Variants in PCDHGB4 observed in about 807,000 individuals in gnomAD.
PCDHGB4 encodes protocadherin gamma-B4.
PCDHGB4 carries 38 observed loss-of-function variants against 60.5 expected under a neutral mutation model. The observed-to-expected ratio is 0.63, with a 90% CI of 0.48 to 0.82. The LOEUF is 0.82. Ranked by LOEUF, PCDHGB4 falls within the 40% of genes least tolerant of loss-of-function variation. PCDHGB4 has a pLI of 0.00. For synonymous variants in PCDHGB4, 456 were observed against 509.7 expected, an observed-to-expected ratio of 0.89 and a Z score of 1.42; for missense variants, 1,109 against 1,209.6, an observed-to-expected ratio of 0.92 and a Z score of 1.23.
chr5:141,509,132 G>A (rs1261849657), intron 3 of PCDHGB4, among the ~76,000 whole-genome samples: 1 of 152,150 alleles, frequency 6.6e-6, no homozygotes, highest in Admixed American at 6.5e-5. Flanking sequence ...GAGAAAAACC[G>A]AGGCGCATCC....
intron 1 of PCDHGB4, among the ~76,000 whole-genome samples, chr5:141,438,636 ACACACAC>A: frequency 3.9e-5 from 1 of 25,700 alleles, no homozygotes; most frequent in African/African-American, 1.5e-4. Flanking sequence ...ATATATATAT[ACACACAC>A]ACACACACAT....
intron 1 of PCDHGB4, chr5:141,398,970 C>G (rs1320199481): frequency 6.2e-7 from 1 of 1,613,958 alleles, no homozygotes; most frequent in South Asian, 1.1e-5. Flanking sequence ...CTTATTCCTT[C>G]TACAGAACCG....
intron 1 of PCDHGB4, among the ~76,000 whole-genome samples, chr5:141,482,940 G>T (rs1245833250): frequency 6.6e-6 from 1 of 152,026 alleles, no homozygotes; most frequent in East Asian, 1.9e-4. Context: ...AGGTGTGGTT[G>T]TGGGTGCCTG....
chr5:141,422,040 C>A, intron 1 of PCDHGB4: 1 of 1,611,442 alleles, frequency 6.2e-7, no homozygotes, highest in Non-Finnish European at 8.5e-7. Context: ...CGGATCCAGA[C>A]GAGGGAATCA....
intron 1 of PCDHGB4, among the ~76,000 whole-genome samples, chr5:141,483,203 A>G (rs940487337): frequency 6.6e-6 from 1 of 152,204 alleles, no homozygotes; most frequent in Admixed American, 6.5e-5. Flanking sequence ...ATTTTATTCC[A>G]TATAGATGAC....
chr5:141,502,457 A>G lies in PCDHGB4; in HGVS notation c.2457-2936A>G, dbSNP rs950959171. 6.6e-5 allele frequency among the ~76,000 whole-genome samples: 10 copies of G among 151,926 alleles called. No individual in the cohort carries two copies. The South Asian group carries it at 1.7e-3, about 25-fold the overall frequency. On this transcript the variant is annotated intron_variant, in intron 2 of 3. Coordinates refer to ENST00000519479, the MANE Select transcript of PCDHGB4 (RefSeq NM_003736.4). The stretch of plus-strand genomic sequence containing the variant: ...TTAGATTCAGATTACACACCTTGGT[A>G]GGAATACTTCCCGCAGCATCACACT...
At chr5:141,391,253 T>C (rs1157052865) in intron 1 of PCDHGB4, 1 of 152,146 alleles carries the variant, frequency 6.6e-6, no homozygotes, top group Non-Finnish European at 1.5e-5. Flanking sequence ...AAGCAACTGC[T>C]TCAGTTAATG....
At chr5:141,392,802 A>C in intron 1 of PCDHGB4, 2 of 1,572,582 alleles carry the variant, frequency 1.3e-6, no homozygotes, top group Non-Finnish European at 1.7e-6. Flanking sequence ...AGGATTCTGC[A>C]GCAAAACAAC....
intron 1 of PCDHGB4, among the ~76,000 whole-genome samples, chr5:141,456,918 G>A (rs535602842): frequency 6.6e-6 from 1 of 152,006 alleles, no homozygotes; most frequent in African/African-American, 2.4e-5. Context: ...AGCCGAGATC[G>A]CACCACTGCA....
chr5:141,430,033 C>T (rs556099456), intron 1 of PCDHGB4, among the ~76,000 whole-genome samples: 1 of 152,066 alleles, frequency 6.6e-6, no homozygotes, highest in Non-Finnish European at 1.5e-5. Context: ...AAGTGTGATT[C>T]TGATAATGTA....
chr5:141,390,373 AT>A, intron 1 of PCDHGB4, 92 bp downstream of exon 1: 1 of 1,481,206 alleles, frequency 6.8e-7, no homozygotes, highest in Non-Finnish European at 9.2e-7. Flanking sequence ...AAAATATATA[AT>A]TTTTAGATGT....
Position 141,490,156 on chromosome 5 carries a change from G to T in PCDHGB4, c.2398-4651G>T. On this transcript the variant is annotated intron_variant, in intron 1 of 3. Coordinates refer to ENST00000519479, the MANE Select transcript of PCDHGB4 (RefSeq NM_003736.4). The surrounding 1 kb of genome is among the most constrained non-coding windows in gnomAD (Gnocchi z 5.4). ...TAGCAGTGGGGCAATCCATGTGTTG[G>T]GTCCCATAGACTTTGAGGAGTCACG... is the stretch of plus-strand genomic sequence containing the variant. 3.1e-6 allele frequency: 5 copies of T among 1,614,192 alleles called. No individual in the cohort carries two copies. Among genetic ancestry groups the T allele is most frequent in the Non-Finnish European group, 4.2e-6 (5 of 1,180,034 alleles).
Position 141,490,311 on chromosome 5 carries a change from C to T in PCDHGB4, c.2398-4496C>T. 6.2e-7 allele frequency: 1 copy of T among 1,614,200 alleles called. No individual in the cohort carries two copies. The highest frequency in any genetic ancestry group is 8.5e-7 in the Non-Finnish European group (1 of 1,180,018). On this transcript the variant is annotated intron_variant, in intron 1 of 3. Coordinates refer to ENST00000519479, the MANE Select transcript of PCDHGB4 (RefSeq NM_003736.4). This position sits in a 1 kb window ranked among gnomAD's most constrained non-coding sequence, Gnocchi z 5.4. ...AGGTGCTATTGGCCTCTTTGGCCAA[C>T]CCTGTCCTAGAGAGCACACCAGTGG...
intron 2 of PCDHGB4, among the ~76,000 whole-genome samples, chr5:141,503,202 C>G (rs1562210201): frequency 6.6e-6 from 1 of 152,090 alleles, no homozygotes; most frequent in East Asian, 1.9e-4. Context: ...ATCAGCCTCT[C>G]AGTGCCCACC....
intron 1 of PCDHGB4, among the ~76,000 whole-genome samples, chr5:141,444,062 A>G (rs1335403906): frequency 6.7e-6 from 1 of 149,402 alleles, no homozygotes; most frequent in African/African-American, 2.5e-5. Context: ...TTCAATCTAG[A>G]TTCTGATGCT....
At chr5:141,410,746 C>T in intron 1 of PCDHGB4, 1 of 1,269,920 alleles carries the variant, frequency 7.9e-7, no homozygotes, top group Non-Finnish European at 1.1e-6. Flanking sequence ...ACAATATTTT[C>T]TCAATGTTTT....
intron 1 of PCDHGB4, among the ~76,000 whole-genome samples, chr5:141,448,855 G>A (rs2098611434): frequency 6.6e-6 from 1 of 152,172 alleles, no homozygotes. Context: ...TGAGGCAGGA[G>A]AATGGCGTGA....
Position 141,511,151 on chromosome 5 carries a change from C to T in PCDHGB4, c.2750C>T (p.Ser917Leu), listed in dbSNP as rs202071188. The T allele has an allele frequency of 3.0e-5, 49 of 1,614,152 alleles. No individual in the cohort carries two copies. The highest frequency in any genetic ancestry group is 2.6e-4 in the South Asian group (24 of 91,066). The change falls in exon 4 of 4, where the codon TCG becomes TTG. Residue 917 changes from serine (S) to leucine (L), a missense_variant. Ser to Leu is a moderately radical substitution (Grantham distance 145, BLOSUM62 -2). Coordinates refer to ENST00000519479, the MANE Select transcript of PCDHGB4 (RefSeq NM_003736.4). ...GGTGGCAATGGCAACAAGAAGAAGT[C>T]GGGCAAGAAGGAGAAGAAGTAACAT... ...PAGGNGNKKK[S>L]GKKEKK
rs765972156 is a variant in PCDHGB4, at chr5:141,432,960, G to A, written c.2397+42679G>A. 3.1e-6 allele frequency: 5 copies of A among 1,614,070 alleles called. No individual in the cohort carries two copies. The East Asian group carries it at 6.7e-5, about 22-fold the overall frequency. On this transcript the variant is annotated intron_variant, in intron 1 of 3. Transcript: ENST00000519479. This position sits in a 1 kb window ranked among gnomAD's most constrained non-coding sequence, Gnocchi z 6.0. ...CAGGCTTCAGGAGGCGGCTTGACAG[G>A]AGCGCCGGCGTCGCACTTTGTGGGC...
Sources: allele counts gnomAD v4.1 joint callset (sites outside exome capture counted in the v4.1 genomes callset), GRCh38; gene constraint gnomAD v4.1.1; non-coding constraint Gnocchi (gnomAD v3.1); transcripts MANE v1.5; gene names NCBI Gene and HGNC (gene_info 2026-07-23, HGNC 2026-07-21).